HADHB: variants seen among roughly 807,000 people sequenced by gnomAD.
The protein encoded by HADHB is trifunctional enzyme subunit beta, mitochondrial.
Under a neutral mutation model 61.9 loss-of-function variants are expected in HADHB, and 50 were observed. That is an observed-to-expected ratio of 0.81 (90% CI 0.64 to 1.02). The LOEUF (loss-of-function observed/expected upper bound fraction) is 1.02, where lower values mean the gene tolerates loss of function less well. Ranked by LOEUF, HADHB falls within the 50% of genes least tolerant of loss-of-function variation. The pLI, the probability that HADHB is intolerant of heterozygous loss-of-function variation, is 0.00. For synonymous variants in HADHB, 191 were observed against 201.6 expected (o/e 0.95, Z 0.45); for missense variants, 504 against 586.5 (o/e 0.86, Z 1.45).
chr2:26,280,193 T>C, intron 10 of HADHB, 78 bp downstream of exon 10: 3 of 1,136,886 alleles, frequency 2.6e-6, no homozygotes, highest in Non-Finnish European at 4.0e-6. Flanking sequence ...AATATAACTT[T>C]TTGTGTGTGT....
At chr2:26,289,051 C>G (rs1029784846) in intron 15 of HADHB, among the ~76,000 whole-genome samples, 16 of 152,046 alleles carry the variant, frequency 1.1e-4, no homozygotes, top group African/African-American at 3.9e-4. Context: ...GATATCGAGA[C>G]CATCCTGGCT....
chr2:26,247,668 C>G (rs930555421), intron 1 of HADHB, among the ~76,000 whole-genome samples: 1 of 152,174 alleles, frequency 6.6e-6, no homozygotes, highest in Non-Finnish European at 1.5e-5. Flanking sequence ...TGAACATGTA[C>G]AGACTTTTTT....
chr2:26,248,274 A>G (rs1382116334), intron 1 of HADHB, among the ~76,000 whole-genome samples: 4 of 152,142 alleles, frequency 2.6e-5, no homozygotes, highest in Non-Finnish European at 1.5e-5. Context: ...ACAGTATTCC[A>G]TGGTGTGTTT....
At chr2:26,247,349 A>C (rs143479930) in intron 1 of HADHB, among the ~76,000 whole-genome samples, 1 of 152,234 alleles carries the variant, frequency 6.6e-6, no homozygotes, top group African/African-American at 2.4e-5. Flanking sequence ...TAATTTGCTT[A>C]GTCCCTCTTA....
At chr2:26,284,659 GT>G in intron 13 of HADHB, among the ~76,000 whole-genome samples, 1 of 151,950 alleles carries the variant, frequency 6.6e-6, no homozygotes, top group South Asian at 2.1e-4. Flanking sequence ...TAGAGACAGG[GT>G]TTCACCATAT....
chr2:26,268,709 T>C (rs1352313633), intron 4 of HADHB, among the ~76,000 whole-genome samples: 1 of 152,194 alleles, frequency 6.6e-6, no homozygotes, highest in African/African-American at 2.4e-5. Flanking sequence ...GTATCTTGGA[T>C]TGAATCTTGG....
At chr2:26,288,293 AAAAAT>A (rs1320669970) in intron 15 of HADHB, among the ~76,000 whole-genome samples, 2 of 152,014 alleles carry the variant, frequency 1.3e-5, no homozygotes, top group East Asian at 3.9e-4. Flanking sequence ...AAAATAAATA[AAAAAT>A]AAAATAAGCA....
chr2:26,281,376 C>CTAAT (rs1249957233), intron 10 of HADHB, among the ~76,000 whole-genome samples: 1 of 152,088 alleles, frequency 6.6e-6, no homozygotes, highest in African/African-American at 2.4e-5. Flanking sequence ...TGGTAAATGA[C>CTAAT]TAATTAATGC....
intron 1 of HADHB, among the ~76,000 whole-genome samples, chr2:26,252,926 G>T (rs994261960): frequency 6.6e-5 from 10 of 152,310 alleles, no homozygotes; most frequent in African/African-American, 2.4e-4. Flanking sequence ...CTTGGCAGCA[G>T]TATATGAGAA....
chr2:26,278,016 G>A (rs1039212322), intron 7 of HADHB, among the ~76,000 whole-genome samples: 1 of 152,228 alleles, frequency 6.6e-6, no homozygotes, highest in South Asian at 2.1e-4. Context: ...CTCTTAGTGT[G>A]AGGAGGCAAG....
At chr2:26,257,026 T>C (rs188318885) in intron 3 of HADHB, among the ~76,000 whole-genome samples, 2 of 152,210 alleles carry the variant, frequency 1.3e-5, no homozygotes, top group Non-Finnish European at 1.5e-5. Flanking sequence ...CTTTTTCTTA[T>C]TTATTTATAA....
intron 4 of HADHB, among the ~76,000 whole-genome samples, chr2:26,268,901 C>A (rs1466210916): frequency 6.6e-6 from 1 of 152,086 alleles, no homozygotes; most frequent in East Asian, 1.9e-4. Context: ...AATCCCAGCA[C>A]TTTGGGAGGC....
chr2:26,258,523 C>T (rs1671728479), intron 3 of HADHB, among the ~76,000 whole-genome samples: 1 of 152,160 alleles, frequency 6.6e-6, no homozygotes, highest in Non-Finnish European at 1.5e-5. Context: ...GGATCAGAAA[C>T]GCAGCGGACA....
At position 26,254,311 on chromosome 2, in the gene HADHB, C is replaced by T; in HGVS notation, c.57C>T (p.Leu19=). 1 of 1,548,762 alleles carries T rather than the reference C, an allele frequency of 6.5e-7. No individual in the cohort carries two copies. Among genetic ancestry groups the T allele is most frequent in the Non-Finnish European group, 8.9e-7 (1 of 1,120,944 alleles). The change falls in exon 2 of 16, where the codon CTC becomes CTT. Residue 19 remains leucine, a synonymous_variant. Coordinates refer to ENST00000317799, the MANE Select transcript of HADHB (RefSeq NM_000183.3). ...KNLPTASKWA[L]RFSIRPLSCS... The stretch of plus-strand genomic sequence containing the variant: ...TTCCCACTGCATCAAAATGGGCCCT[C>T]AGATTTTGTAAGTTTATTATTATTT...
At chr2:26,247,712 C>T (rs777081705) in intron 1 of HADHB, among the ~76,000 whole-genome samples, 17 of 152,072 alleles carry the variant, frequency 1.1e-4, no homozygotes, top group Non-Finnish European at 1.6e-4. Flanking sequence ...TACAGCATAA[C>T]GACTATTTAC....
At chr2:26,269,484 A>G (rs1001363844) in intron 4 of HADHB, among the ~76,000 whole-genome samples, 5 of 152,184 alleles carry the variant, frequency 3.3e-5, no homozygotes, top group African/African-American at 1.2e-4. Flanking sequence ...TCTAGGTGTG[A>G]GCCACCATGC....
chr2:26,257,601 C>T (rs896012644), intron 3 of HADHB, among the ~76,000 whole-genome samples: 2 of 152,026 alleles, frequency 1.3e-5, no homozygotes, highest in Admixed American at 1.3e-4. Flanking sequence ...GGTGATGGTT[C>T]CTCTTCGCTT....
intron 5 of HADHB, among the ~76,000 whole-genome samples, chr2:26,271,416 AGAATCCCTT>A (rs1387202386): frequency 1.3e-5 from 2 of 152,074 alleles, no homozygotes; most frequent in African/African-American, 4.8e-5. Flanking sequence ...CTGAGGCAGG[AGAATCCCTT>A]GAACCTGGGA....
chr2:26,281,514 G>A (rs1672786932), intron 10 of HADHB, among the ~76,000 whole-genome samples: 1 of 152,184 alleles, frequency 6.6e-6, no homozygotes, highest in South Asian at 2.1e-4. Flanking sequence ...GGATGATAGA[G>A]CCATGTGGCA....
Sources: gnomAD v4.1 joint callset for allele counts (sites outside exome capture counted in the v4.1 genomes callset) on GRCh38, gnomAD v4.1.1 for gene constraint, MANE v1.5 for transcripts, NCBI Gene and HGNC (gene_info 2026-07-23, HGNC 2026-07-21) for gene names.